Variants in CSMD1 observed in about 807,000 individuals in gnomAD.
CSMD1 encodes the protein CUB and sushi domain-containing protein 1.
Under a neutral mutation model 417.5 loss-of-function variants are expected in CSMD1, and 213 were observed. The ratio of observed to expected loss-of-function variants is 0.51; its 90% confidence interval spans 0.46 to 0.57. The LOEUF is 0.57. Among genes scored for constraint, CSMD1 ranks in the 20% least tolerant of loss-of-function variants. The pLI is 0.00. For missense variants in CSMD1, 6,923 were observed against 4,529.7 expected (o/e 1.53, Z -15.17); for synonymous variants, 2,862 against 1,736.8 (o/e 1.65, Z -16.11).
rs576536545 is a variant in CSMD1 at position 4,554,007 on chromosome 8, G to T, written c.302+83335C>A. On this transcript the variant is annotated intron_variant, in intron 2 of 69. Coordinates refer to ENST00000635120, the MANE Select transcript of CSMD1 (RefSeq NM_033225.6). ...GAGACAGTCTGGCCAAAGCTTAGTAGACCTTGCGATCTAACCGCCCAGTGT... is the reference window on the plus strand; with the variant it reads ...GAGACAGTCTGGCCAAAGCTTAGTATACCTTGCGATCTAACCGCCCAGTGT... Among the ~76,000 whole-genome samples, 130 of 152,294 alleles carry T rather than the reference G, an allele frequency of 8.5e-4. 2 individuals carry two copies. The South Asian group carries it at 0.027, about 31-fold the overall frequency.
intron 53 of CSMD1, 104 bp from the exon 54 acceptor site, chr8:2,998,288 G>T: frequency 8.3e-7 from 1 of 1,200,138 alleles, no homozygotes; most frequent in Non-Finnish European, 1.2e-6. Context: ...GGTATGGACT[G>T]AAGGTTTTCC....
intron 3 of CSMD1, among the ~76,000 whole-genome samples, chr8:4,121,699 T>C (rs1022945173): frequency 6.6e-6 from 1 of 151,816 alleles, no homozygotes; most frequent in Non-Finnish European, 1.5e-5. Context: ...AGGGTTTTCA[T>C]CATTCTGACA....
chr8:3,904,211 C>A (rs558605836), intron 5 of CSMD1, among the ~76,000 whole-genome samples: 1 of 152,154 alleles, frequency 6.6e-6, no homozygotes, highest in African/African-American at 2.4e-5. Context: ...TCTGAAGTAA[C>A]TTATGGATAT....
intron 37 of CSMD1, among the ~76,000 whole-genome samples, chr8:3,167,787 T>A (rs926048424): frequency 2.0e-5 from 3 of 152,300 alleles, no homozygotes; most frequent in East Asian, 3.9e-4. Context: ...GCATTAAGAA[T>A]CAGAATATAA....
intron 2 of CSMD1, among the ~76,000 whole-genome samples, chr8:4,505,704 C>T (rs1037748816): frequency 1.3e-5 from 2 of 152,124 alleles, no homozygotes; most frequent in African/African-American, 4.8e-5. Context: ...GCTTTCATTT[C>T]TTCATCTGCC....
intron 50 of CSMD1, among the ~76,000 whole-genome samples, chr8:3,041,211 T>C (rs916624328): frequency 6.6e-6 from 1 of 152,176 alleles, no homozygotes; most frequent in Non-Finnish European, 1.5e-5. Flanking sequence ...AAGCAAATAA[T>C]TTAGAAAATT....
intron 1 of CSMD1, among the ~76,000 whole-genome samples, chr8:4,750,451 AAAT>A (rs1218462875): frequency 1.3e-5 from 2 of 152,208 alleles, no homozygotes; most frequent in Admixed American, 6.5e-5. Flanking sequence ...ACCTTGGATT[AAAT>A]AATATCTAAA....
intron 49 of CSMD1, among the ~76,000 whole-genome samples, chr8:3,064,689 C>T (rs1002317462): frequency 6.6e-6 from 1 of 152,016 alleles, no homozygotes; most frequent in African/African-American, 2.4e-5. Context: ...ATAAAAACAT[C>T]CCCGCATTTT....
At chr8:4,661,471 G>A (rs956106796) in intron 1 of CSMD1, among the ~76,000 whole-genome samples, 1 of 152,116 alleles carries the variant, frequency 6.6e-6, no homozygotes, top group Non-Finnish European at 1.5e-5. Flanking sequence ...ATTATTCATT[G>A]CTATGGGTTA....
rs1184963290 is a variant in CSMD1, at chr8:3,315,229, G to C, written c.3632-6726C>G. Reference sequence around the variant, plus strand: ...AGAACTGCATTAAAAACTTAATATTGCTTTTTATTAACTCTATTTGGATTC... The same window carrying C: ...AGAACTGCATTAAAAACTTAATATTCCTTTTTATTAACTCTATTTGGATTC... On this transcript the variant is annotated intron_variant, in intron 23 of 69. Coordinates refer to ENST00000635120, the MANE Select transcript of CSMD1 (RefSeq NM_033225.6). Among the ~76,000 whole-genome samples the C allele has an allele frequency of 2.0e-5, 3 of 152,062 alleles. No individual in the cohort carries two copies. The East Asian group carries it at 5.8e-4, about 29-fold the overall frequency.
chr8:3,025,768 T>C (rs1480808808), intron 51 of CSMD1, among the ~76,000 whole-genome samples: 1 of 152,236 alleles, frequency 6.6e-6, no homozygotes, highest in African/African-American at 2.4e-5. Context: ...CACATTAATT[T>C]TTGCTTTGTT....
At chr8:3,743,743 C>G (rs1429579013) in intron 6 of CSMD1, among the ~76,000 whole-genome samples, 1 of 152,136 alleles carries the variant, frequency 6.6e-6, no homozygotes, top group Non-Finnish European at 1.5e-5. Flanking sequence ...CCAGGTGTTT[C>G]TGTTAAAATT....
At chr8:3,442,466 T>C (rs372986838) in intron 12 of CSMD1, among the ~76,000 whole-genome samples, 8 of 152,344 alleles carry the variant, frequency 5.3e-5, no homozygotes, top group East Asian at 3.9e-4. Flanking sequence ...GTGTTTTTAC[T>C]GTACCTTTTG....
intron 3 of CSMD1, among the ~76,000 whole-genome samples, chr8:4,366,697 TTTTTC>T (rs140716507): frequency 1.7e-4 from 26 of 152,030 alleles, no homozygotes; most frequent in Admixed American, 5.2e-4. Flanking sequence ...GCGTTTTTTC[TTTTTC>T]TTTTATTTTA....
intron 12 of CSMD1, among the ~76,000 whole-genome samples, chr8:3,446,294 G>A (rs974188824): frequency 6.6e-6 from 1 of 152,200 alleles, no homozygotes; most frequent in African/African-American, 2.4e-5. Context: ...TGTAAAATTA[G>A]TTTTCTTTAC....
intron 2 of CSMD1, among the ~76,000 whole-genome samples, chr8:4,475,478 G>C (rs1426517838): frequency 6.6e-6 from 1 of 152,104 alleles, no homozygotes; most frequent in African/African-American, 2.4e-5. Context: ...TCTCGATACA[G>C]AGAACCCAGA....
intron 1 of CSMD1, among the ~76,000 whole-genome samples, chr8:4,954,708 T>C (rs1360718929): frequency 6.6e-6 from 1 of 152,148 alleles, no homozygotes; most frequent in Non-Finnish European, 1.5e-5. Context: ...ATAAACTACA[T>C]AAGCACCATG....
intron 1 of CSMD1, among the ~76,000 whole-genome samples, chr8:4,964,654 C>T (rs947237548): frequency 6.6e-6 from 1 of 151,990 alleles, no homozygotes; most frequent in South Asian, 2.1e-4. Context: ...TTCTAACACT[C>T]TTTAAAATCT....
chr8:4,216,700 T>A (rs971346127), intron 3 of CSMD1, among the ~76,000 whole-genome samples: 1 of 152,126 alleles, frequency 6.6e-6, no homozygotes, highest in African/African-American at 2.4e-5. Flanking sequence ...TAAGCACCAG[T>A]CATCTAGGAG....
Sources: gnomAD v4.1 joint callset for allele counts (sites outside exome capture counted in the v4.1 genomes callset) on GRCh38, gnomAD v4.1.1 for gene constraint, MANE v1.5 for transcripts, NCBI Gene and HGNC (gene_info 2026-07-23, HGNC 2026-07-21) for gene names.